Variants in PAICS observed in about 807,000 individuals in gnomAD.
PAICS encodes bifunctional phosphoribosylaminoimidazole carboxylase/phosphoribosylaminoimidazole succinocarboxamide synthetase.
Under a neutral mutation model 53.7 loss-of-function variants are expected in PAICS, and 33 were observed. The observed-to-expected ratio is 0.61, with a 90% CI of 0.47 to 0.82. The LOEUF is 0.82. Among genes scored for constraint, PAICS ranks in the 40% least tolerant of loss-of-function variants. The probability of loss-of-function intolerance (pLI) is 0.00; values close to 1 mark genes in which losing one functional copy is unlikely to be tolerated. For synonymous variants in PAICS, 141 were observed against 167.2 expected, an observed-to-expected ratio of 0.84 and a Z score of 1.21; for missense variants, 394 against 494.1, an observed-to-expected ratio of 0.80 and a Z score of 1.92.
At position 56,463,161 on chromosome 4, in the gene PAICS, T is replaced by C. The variant is rs1719572270; in HGVS notation, c.*3623T>C. 2 of 152,280 alleles carry C rather than the reference T, an allele frequency of 1.3e-5. No homozygotes were observed. The highest frequency in any genetic ancestry group is 3.4e-3 in the Middle Eastern group (1 of 294). 9.4% of individuals were successfully genotyped at this position (152,280 alleles called of 1,614,324 possible). ...GAAAGCCATTGAAAAGAGTTGTTTT[T>C]AATGGTGTTTTTACATCCAGCTTCC... On this transcript the variant is annotated 3_prime_UTR_variant, in exon 9 of 9. Transcript: ENST00000512576.
upstream of PAICS, among the ~76,000 whole-genome samples, chr4:56,433,653 C>T (rs1043980754): frequency 6.6e-6 from 1 of 151,946 alleles, no homozygotes; most frequent in Non-Finnish European, 1.5e-5. Context: ...CTAAAGACCT[C>T]TAGATTCTCC....
intron 1 of PAICS, 26 bp downstream of exon 1, chr4:56,436,354 C>A: frequency 1.3e-6 from 2 of 1,517,950 alleles, no homozygotes; most frequent in Non-Finnish European, 1.8e-6. Context: ...CCGGGCCCTT[C>A]ACGGTCTCCC....
rs116600135 is a variant in PAICS, at chr4:56,452,016, C to T, written c.916C>T (p.Pro306Ser). ...TCGAGTAACATCTGCGCATAAAGGA[C>T]CAGATGAAACTCTGAGGATTAAAGC... is the stretch of plus-strand genomic sequence containing the variant. ...ELRVTSAHKG[P>S]DETLRIKAEY... The change falls in exon 7 of 9, where the codon CCA becomes TCA. Residue 306 changes from proline to serine, a missense_variant. By Grantham distance (74) the Pro-to-Ser change is moderately conservative. Around this residue, in one of 3 missense-constraint regions of PAICS, gnomAD observed 131 missense variants for 205.5 expected, o/e 0.64. Coordinates refer to ENST00000512576, the MANE Select transcript of PAICS (RefSeq NM_001079524.2). The T allele has an allele frequency of 4.3e-4, 687 of 1,608,140 alleles. 2 individuals are homozygous for T. The African/African-American group carries it at 8.4e-3, about 20-fold the overall frequency.
chr4:56,425,023 T>G, the PAICS span, among the ~76,000 whole-genome samples: 15 of 152,210 alleles, frequency 9.9e-5, no homozygotes, highest in African/African-American at 3.6e-4. Flanking sequence ...AATACCTCAA[T>G]GTTCATCTAA....
At chr4:56,434,181 T>G (rs1410038799), upstream of PAICS, among the ~76,000 whole-genome samples, 1 of 152,234 alleles carries the variant, frequency 6.6e-6, no homozygotes. Flanking sequence ...TTTTGATGCT[T>G]CCCACATTCT....
chr4:56,438,408 G>GT (rs527945213), intron 1 of PAICS, among the ~76,000 whole-genome samples: 46 of 60,688 alleles, frequency 7.6e-4, no homozygotes, highest in Admixed American at 3.4e-3. Flanking sequence ...TATATAAAAG[G>GT]TTTTTTTTGT....
the PAICS span, among the ~76,000 whole-genome samples, chr4:56,418,981 T>C: frequency 1.3e-5 from 2 of 152,236 alleles, no homozygotes; most frequent in African/African-American, 4.8e-5. Flanking sequence ...TTAGTCTTTC[T>C]GTAATTTTCG....
At chr4:56,438,206 A>G (rs1355643098) in intron 1 of PAICS, among the ~76,000 whole-genome samples, 7 of 151,902 alleles carry the variant, frequency 4.6e-5, no homozygotes, top group African/African-American at 1.7e-4. Flanking sequence ...ATCCTTAGCT[A>G]TGTTCCAGTC....
intron 8 of PAICS, among the ~76,000 whole-genome samples, chr4:56,456,310 T>G (rs1719201070): frequency 6.6e-6 from 1 of 152,336 alleles, no homozygotes; most frequent in African/African-American, 2.4e-5. Flanking sequence ...CAGGCTGGTC[T>G]CGAACTCTTG....
upstream of PAICS, among the ~76,000 whole-genome samples, chr4:56,434,582 T>C (rs1274260649): frequency 6.6e-6 from 1 of 152,210 alleles, no homozygotes; most frequent in Non-Finnish European, 1.5e-5. Context: ...ATCAAGTGTA[T>C]GGATCTTGGC....
chr4:56,415,200 T>C, the PAICS span, among the ~76,000 whole-genome samples: 3 of 152,226 alleles, frequency 2.0e-5, no homozygotes, highest in East Asian at 5.8e-4. Flanking sequence ...CTACTTTTGT[T>C]ACTCAATAAA....
chr4:56,441,520 G>T (rs1161020773), intron 1 of PAICS, 143 bp from the exon 2 acceptor site: 6 of 423,680 alleles, frequency 1.4e-5, no homozygotes, highest in Non-Finnish European at 2.5e-5. Flanking sequence ...ACATTGTAGA[G>T]TATATGGTTT....
chr4:56,436,105 G>A, upstream of PAICS: 6 of 1,477,866 alleles, frequency 4.1e-6, no homozygotes, highest in Non-Finnish European at 5.4e-6. Flanking sequence ...CGGGAAGCCA[G>A]TGGGGCGTTG....
Position 56,444,883 on chromosome 4 carries a change from A to G in PAICS, c.215-1812A>G, listed in dbSNP as rs112957174. ...CTGTGTCCAGCTTGGTAGACAAATGAGCAAATATGTGACTAATGATTAACA... is the reference window on the plus strand; with the variant it reads ...CTGTGTCCAGCTTGGTAGACAAATGGGCAAATATGTGACTAATGATTAACA... On this transcript the variant is annotated intron_variant, in intron 2 of 8. Coordinates refer to ENST00000512576, the MANE Select transcript of PAICS (RefSeq NM_001079524.2). 1.8e-3 allele frequency among the ~76,000 whole-genome samples: 274 copies of G among 152,272 alleles called. 10 individuals carry two copies. The South Asian group carries it at 0.039, about 21-fold the overall frequency.
At chr4:56,432,807 A>G (rs909131989), upstream of PAICS, among the ~76,000 whole-genome samples, 1 of 150,374 alleles carries the variant, frequency 6.7e-6, no homozygotes, top group Non-Finnish European at 1.5e-5. Context: ...AAAAAAATCA[A>G]GAAGATAATA....
the PAICS span, among the ~76,000 whole-genome samples, chr4:56,415,902 T>C: frequency 6.6e-6 from 1 of 152,018 alleles, no homozygotes; most frequent in Non-Finnish European, 1.5e-5. Context: ...AAACCTCGTG[T>C]CTACTAAAAA....
At position 56,460,615 on chromosome 4, in the gene PAICS, T is replaced by C. The variant is rs1320236605; in HGVS notation, c.*1077T>C. The C allele has an allele frequency of 2.6e-5, 4 of 152,216 alleles. No individual in the cohort carries two copies. Among genetic ancestry groups the C allele is most frequent in the Admixed American group, 6.5e-5 (1 of 15,270 alleles). The allele number at this position is 152,216 out of a possible 1,614,324, so 9.4% of individuals were successfully genotyped here. On this transcript the variant is annotated 3_prime_UTR_variant, in exon 9 of 9. Coordinates refer to ENST00000512576, the MANE Select transcript of PAICS (RefSeq NM_001079524.2). ...TGTAGAAAACCGCACACATAAAACT[T>C]ACCAACAGATTTCATTGGTTCTTGG...
intron 2 of PAICS, among the ~76,000 whole-genome samples, chr4:56,443,192 T>C (rs910392125): frequency 9.9e-5 from 15 of 152,218 alleles, no homozygotes; most frequent in Admixed American, 9.2e-4. Context: ...TATTTTTTTA[T>C]TTATTTTAAG....
chr4:56,435,460 C>T (rs1312175111), upstream of PAICS: 12 of 1,613,792 alleles, frequency 7.4e-6, no homozygotes, highest in Non-Finnish European at 6.8e-6. Context: ...CTCGGATCCC[C>T]AACTCCTCCA....
Sources: allele counts gnomAD v4.1 joint callset (sites outside exome capture counted in the v4.1 genomes callset), GRCh38; gene constraint gnomAD v4.1.1; regional missense constraint gnomAD v4.1.1; transcripts MANE v1.5; gene names NCBI Gene and HGNC (gene_info 2026-07-23, HGNC 2026-07-21).